The following ITIH3 variants were observed in gnomAD, a reference collection of about 807,000 sequenced individuals.
ITIH3 encodes inter-alpha-trypsin inhibitor heavy chain 3, also known as inter-alpha-trypsin inhibitor heavy chain H3.
In ITIH3, 81 loss-of-function variants were observed where a neutral mutation model predicts 96.5. The ratio of observed to expected loss-of-function variants is 0.84; its 90% CI spans 0.70 to 1.01. The LOEUF is 1.01. Among genes scored for constraint, ITIH3 ranks in the 50% least tolerant of loss-of-function variants. ITIH3 has a pLI of 0.00. For missense variants in ITIH3, 1,057 were observed against 1,139.3 expected, an observed-to-expected ratio of 0.93 and a Z score of 1.04; for synonymous variants, 422 against 445.2, an observed-to-expected ratio of 0.95 and a Z score of 0.66.
chr3:52,808,279 C>A, intron 21 of ITIH3, 58 bp downstream of exon 21: 1 of 1,416,096 alleles, frequency 7.1e-7, no homozygotes, highest in Non-Finnish European at 1.0e-6. Flanking sequence ...GAAAGAGCAC[C>A]TGCAGCCCAG....
Position 52,797,097 on chromosome 3 carries a change from C to G in ITIH3, c.387-8C>G. The G allele has an allele frequency of 6.2e-7, 1 of 1,606,716 alleles. No homozygotes were observed. Reference sequence around the variant, plus strand: ...TTTGAGGGAGTCACCATCTCGCACCCTGGTCAGGGCCTCTGGGAGGAAGTT... The same window carrying G: ...TTTGAGGGAGTCACCATCTCGCACCGTGGTCAGGGCCTCTGGGAGGAAGTT... On this transcript the variant is annotated splice_polypyrimidine_tract_variant and splice_region_variant and intron_variant, in intron 4 of 21. Coordinates refer to ENST00000449956, the MANE Select transcript of ITIH3 (RefSeq NM_002217.4).
At chr3:52,800,889 C>A in intron 10 of ITIH3, 76 bp from the exon 11 acceptor site, 1 of 1,571,032 alleles carries the variant, frequency 6.4e-7, no homozygotes, top group Non-Finnish European at 8.7e-7. Context: ...TGCAGGAGTC[C>A]GGTCTCCCCA....
chr3:52,808,663 T>A lies in ITIH3; in HGVS notation c.2655T>A (p.Ile885=). 6.2e-7 allele frequency: 1 copy of A among 1,611,850 alleles called. No individual in the cohort carries two copies. Among genetic ancestry groups the A allele is most frequent in the Non-Finnish European group, 8.5e-7 (1 of 1,178,056 alleles). ...TTGATGGTGTCCACACTGACTACAT[T>A]GTCCCCAACCTGTTTTGAGTAGACA... The part of the protein sequence containing the change: ...GLIDGVHTDY[I]VPNLF Residue 885 remains isoleucine (I), a synonymous_variant, in exon 22 of 22, where the codon ATT becomes ATA. Coordinates refer to ENST00000449956, the MANE Select transcript of ITIH3 (RefSeq NM_002217.4).
Position 52,797,938 on chromosome 3 carries a change from A to G in ITIH3, c.663+8A>G, listed in dbSNP as rs1212647399. The stretch of plus-strand genomic sequence containing the variant: ...TCCTTCTCAGGGAAAAAGGTGATGT[A>G]GATGCCTCTCAGACCTGGTGGGGCA... On this transcript the variant is annotated splice_region_variant and intron_variant, in intron 6 of 21. Coordinates refer to ENST00000449956, the MANE Select transcript of ITIH3 (RefSeq NM_002217.4). 6 of 1,534,996 alleles carry G rather than the reference A, an allele frequency of 3.9e-6. No individual in the cohort carries two copies. The highest frequency in any genetic ancestry group is 5.3e-6 in the Non-Finnish European group (6 of 1,122,666).
chr3:52,804,742 T>G lies in ITIH3; in HGVS notation c.1873+8T>G, dbSNP rs752771571. ...CACCTGCAGATGCAGAAGGTAAGCC[T>G]TTAGCCAGCCACCGGGTTGGGCATT... On this transcript the variant is annotated splice_region_variant and intron_variant, in intron 15 of 21. Coordinates refer to ENST00000449956, the MANE Select transcript of ITIH3 (RefSeq NM_002217.4). The G allele has an allele frequency of 7.6e-6, 12 of 1,588,856 alleles. No homozygotes were observed. Among genetic ancestry groups the G allele is most frequent in the Admixed American group, 1.8e-5 (1 of 56,606 alleles).
rs1170211295 is a variant in ITIH3, at chr3:52,806,988, T to C, written c.2144T>C (p.Ile715Thr). The part of the protein sequence containing the change: ...TRKTYFGKLG[I>T]ANAQMDFQVE... Reference sequence around the variant, plus strand: ...AAGACTTACTTTGGAAAACTGGGCATCGCCAATGCTCAGATGGACTTCCAG... The same window carrying C: ...AAGACTTACTTTGGAAAACTGGGCACCGCCAATGCTCAGATGGACTTCCAG... The change falls in exon 19 of 22, where the codon ATC becomes ACC. Residue 715 changes from isoleucine to threonine, a missense_variant. Transcript: ENST00000449956. The C allele has an allele frequency of 6.3e-7, 1 of 1,597,216 alleles. No homozygotes were observed. Among genetic ancestry groups the C allele is most frequent in the Non-Finnish European group, 8.5e-7 (1 of 1,172,118 alleles).
intron 15 of ITIH3, chr3:52,805,216 C>A: frequency 2.5e-6 from 2 of 790,744 alleles, no homozygotes; most frequent in Non-Finnish European, 3.1e-6. Context: ...GTCCTCTGTG[C>A]CTCTCTCACC....
chr3:52,800,927 G>C (rs757252977), intron 10 of ITIH3, 38 bp from the exon 11 acceptor site: 276 of 1,611,304 alleles, frequency 1.7e-4, no homozygotes, highest in Non-Finnish European at 1.4e-4. Flanking sequence ...CCATCCCCAG[G>C]GCTGGGGCTG....
Position 52,796,626 on chromosome 3 carries a change from C to T in ITIH3, c.260C>T (p.Ala87Val). ...VSFDVELPKT[A>V]FITNFTLTID... The stretch of plus-strand genomic sequence containing the variant: ...TTTGATGTGGAGCTGCCCAAGACGG[C>T]CTTCATCACCAACTTCACCTTGTGG... Residue 87 changes from alanine (A) to valine (V), a missense_variant, in exon 3 of 22, where the codon GCC (alanine) becomes GTC (valine). Physicochemically the swap from Ala to Val is moderately conservative, Grantham distance 64. Coordinates refer to ENST00000449956, the MANE Select transcript of ITIH3 (RefSeq NM_002217.4). 1.2e-6 allele frequency: 2 copies of T among 1,612,768 alleles called. No homozygotes were observed. The highest frequency in any genetic ancestry group is 8.5e-7 in the Non-Finnish European group (1 of 1,179,184).
intron 6 of ITIH3, 146 bp from the exon 7 acceptor site, chr3:52,798,820 C>A: frequency 1.0e-6 from 1 of 972,328 alleles, no homozygotes; most frequent in Non-Finnish European, 1.5e-6. Context: ...GCAGGGCTGC[C>A]CAGGCCTCCA....
intron 8 of ITIH3, 49 bp downstream of exon 8, chr3:52,799,537 A>G: frequency 7.2e-7 from 1 of 1,381,486 alleles, no homozygotes; most frequent in Non-Finnish European, 9.9e-7. Context: ...TAGGGGGTGG[A>G]AGAGATTTTT....
In ITIH3 at chr3:52,801,078, A is replaced by G. The variant is rs139373830; in HGVS notation, c.1315A>G (p.Met439Val). Reference sequence around the variant, plus strand: ...TCTGAATTATAACTTCCTGGAGAACATGGCCCTGGAGAACCATGGGTTTGC... The same window carrying G: ...TCTGAATTATAACTTCCTGGAGAACGTGGCCCTGGAGAACCATGGGTTTGC... ...NNLNYNFLEN[M>V]ALENHGFARR... The change falls in exon 11 of 22, where the codon ATG (methionine) becomes GTG (valine). Residue 439 changes from methionine to valine, a missense_variant. By Grantham distance (21) the Met-to-Val change is conservative. Coordinates refer to ENST00000449956, the MANE Select transcript of ITIH3 (RefSeq NM_002217.4). 3.7e-6 allele frequency: 6 copies of G among 1,611,448 alleles called. No homozygotes were observed. Among genetic ancestry groups the G allele is most frequent in the East Asian group, 2.2e-5 (1 of 44,876 alleles).
At chr3:52,799,510 G>A in intron 8 of ITIH3, 22 bp downstream of exon 8, 1 of 1,554,016 alleles carries the variant, frequency 6.4e-7, no homozygotes, top group African/African-American at 1.4e-5. Flanking sequence ...CAGTGGCACA[G>A]CCAGGGCTCG....
chr3:52,807,668 C>T, intron 19 of ITIH3, 79 bp from the exon 20 acceptor site: 2 of 1,433,406 alleles, frequency 1.4e-6, no homozygotes, highest in Admixed American at 4.2e-5. Flanking sequence ...AGGGGAGGCC[C>T]CACCAAAACG....
intron 10 of ITIH3, 42 bp from the exon 11 acceptor site, chr3:52,800,923 C>T: frequency 6.2e-7 from 1 of 1,612,360 alleles, no homozygotes; most frequent in Non-Finnish European, 8.5e-7. Context: ...TAGACCATCC[C>T]CAGGGCTGGG....
chr3:52,801,026 C>A lies in ITIH3; in HGVS notation c.1263C>A (p.Pro421=). ...GGAATGCCATCGGGGGCAAGTTCCCCTTGTATAACCTGGGCTTTGGCAACA... is the reference window on the plus strand; with the variant it reads ...GGAATGCCATCGGGGGCAAGTTCCCATTGTATAACCTGGGCTTTGGCAACA... The part of the protein sequence containing the change: ...NVRNAIGGKF[P]LYNLGFGNNL... Residue 421 remains proline, a synonymous_variant, in exon 11 of 22, where the codon CCC becomes CCA. Transcript: ENST00000449956. 6.2e-7 allele frequency: 1 copy of A among 1,614,076 alleles called. No homozygotes were observed. Among genetic ancestry groups the A allele is most frequent in the East Asian group, 2.2e-5 (1 of 44,890 alleles).
chr3:52,804,783 G>C, intron 15 of ITIH3, 49 bp downstream of exon 15: 1 of 1,570,862 alleles, frequency 6.4e-7, no homozygotes, highest in Non-Finnish European at 8.7e-7. Context: ...AGGGAGACAA[G>C]AGAGAACTGA....
intron 15 of ITIH3, chr3:52,805,597 TA>T: frequency 1.4e-6 from 2 of 1,381,786 alleles, no homozygotes; most frequent in Non-Finnish European, 1.9e-6. Flanking sequence ...GCGCCAACGT[TA>T]AAATCACATC....
chr3:52,808,349 T>C lies in ITIH3; in HGVS notation c.2543+128T>C, dbSNP rs865811689. Reference sequence around the variant, plus strand: ...GGTACCCTTGTTTCCCTTTGAGGTCTTGGCCCCTCCCAGGCTCTTGCTAAT... The same window carrying C: ...GGTACCCTTGTTTCCCTTTGAGGTCCTGGCCCCTCCCAGGCTCTTGCTAAT... On this transcript the variant is annotated intron_variant, in intron 21 of 21. Coordinates refer to ENST00000449956, the MANE Select transcript of ITIH3 (RefSeq NM_002217.4). 8.8e-5 allele frequency: 93 copies of C among 1,053,484 alleles called. 1 individual carries two copies. In the Middle Eastern group the frequency reaches 2.2e-3, roughly 25 times the overall value. The allele number at this position is 1,053,484 out of a possible 1,614,324, so 65.3% of individuals were successfully genotyped here.
Sources: gnomAD v4.1 joint callset for allele counts on GRCh38, gnomAD v4.1.1 for gene constraint, MANE v1.5 for transcripts, NCBI Gene and HGNC (gene_info 2026-07-23, HGNC 2026-07-21) for gene names.